LOXHD1: variants seen among roughly 807,000 people sequenced by gnomAD.
LOXHD1 encodes lipoxygenase homology PLAT domains 1.
LOXHD1 carries 205 observed loss-of-function variants against 248.2 expected under a neutral mutation model. The ratio of observed to expected loss-of-function variants is 0.83; its 90% CI spans 0.74 to 0.93. The LOEUF (loss-of-function observed/expected upper bound fraction) is 0.93, where lower values mean the gene tolerates loss of function less well. LOXHD1 is among the 40% of genes least tolerant of loss of function. The probability of loss-of-function intolerance (pLI) is 0.00; values close to 1 mark genes in which losing one functional copy is unlikely to be tolerated. For missense variants in LOXHD1, 2,930 were observed against 2,971.6 expected (o/e 0.99, Z 0.33); for synonymous variants, 1,113 against 1,162.8 (o/e 0.96, Z 0.87).
chr18:46,651,285 C>T (rs2039107774), intron 1 of LOXHD1, among the ~76,000 whole-genome samples: 1 of 152,154 alleles, frequency 6.6e-6, no homozygotes, highest in Admixed American at 6.5e-5. Context: ...GGGAGAAAAG[C>T]AGCCATATAT....
chr18:46,546,769 C>T (rs917309703), intron 22 of LOXHD1, 126 bp downstream of exon 22: 1 of 1,107,190 alleles, frequency 9.0e-7, no homozygotes, highest in Non-Finnish European at 1.3e-6. Context: ...GAGGGCAATA[C>T]AATAGACTGT....
intron 14 of LOXHD1, among the ~76,000 whole-genome samples, chr18:46,574,981 G>A (rs1166837236): frequency 6.6e-6 from 1 of 152,172 alleles, no homozygotes; most frequent in Non-Finnish European, 1.5e-5. Context: ...GGCCCTCACT[G>A]TTTTCTTTAT....
Position 46,562,962 on chromosome 18 carries a change from C to T in LOXHD1, c.2598+103G>A, listed in dbSNP as rs966547630. The stretch of plus-strand genomic sequence containing the variant: ...TCCACCCAACTGGAGGGAGGCAGCC[C>T]ATTCTCGGGTGAGTATTGACTGAGG... On this transcript the variant is annotated intron_variant, in intron 18 of 40. Transcript: ENST00000642948. 6 of 1,332,426 alleles carry T rather than the reference C, an allele frequency of 4.5e-6. No homozygotes were observed. In the Admixed American group the frequency reaches 1.2e-4, roughly 26 times the overall value. The allele number at this position is 1,332,426 out of a possible 1,614,324, so 82.5% of individuals were successfully genotyped here.
At chr18:46,626,873 G>A (rs961744830) in intron 4 of LOXHD1, among the ~76,000 whole-genome samples, 4 of 152,174 alleles carry the variant, frequency 2.6e-5, no homozygotes, top group African/African-American at 9.7e-5. Context: ...TTGCAGCGTT[G>A]TGAAAATTAA....
At chr18:46,584,169 G>A (rs927179032) in intron 12 of LOXHD1, among the ~76,000 whole-genome samples, 5 of 152,088 alleles carry the variant, frequency 3.3e-5, no homozygotes, top group Admixed American at 3.3e-4. Context: ...ATAAGTCGAT[G>A]TCATAGAGGC....
intron 21 of LOXHD1, among the ~76,000 whole-genome samples, chr18:46,547,680 G>C (rs2036909788): frequency 6.6e-6 from 1 of 151,996 alleles, no homozygotes; most frequent in Admixed American, 6.5e-5. Context: ...GGTAATTAAG[G>C]ACTCTCCCCT....
At chr18:46,591,846 A>T (rs1041379286) in intron 12 of LOXHD1, 87 bp downstream of exon 12, 58 of 1,487,998 alleles carry the variant, frequency 3.9e-5, no homozygotes, top group Non-Finnish European at 5.0e-5. Context: ...CAAAGCAGAC[A>T]AGACTCTCAG....
At position 46,559,541 on chromosome 18, in the gene LOXHD1, G is replaced by A. The variant is rs778087402; in HGVS notation, c.3123C>T (p.Asn1041=). The change falls in exon 20 of 41, where the codon AAC becomes AAT. Residue 1041 remains asparagine, a synonymous_variant. Coordinates refer to ENST00000642948, the MANE Select transcript of LOXHD1 (RefSeq NM_001384474.1). ...GNVPKAGTDA[N]VYLTIYGEEY... ...CCTCGCCGTAGATGGTTAGGTAGAC[G>A]TTAGCATCAGTGCCGGCCTTGGGCA... 26 of 1,551,852 alleles carry A rather than the reference G, an allele frequency of 1.7e-5. No individual in the cohort carries two copies. In the East Asian group the frequency reaches 2.7e-4, roughly 16 times the overall value.
At chr18:46,524,360 A>T (rs2035721082) in intron 31 of LOXHD1, 106 bp downstream of exon 31, 2 of 1,414,494 alleles carry the variant, frequency 1.4e-6, no homozygotes, top group African/African-American at 1.4e-5. Flanking sequence ...TAAGTGTTAG[A>T]TATGTCATCG....
chr18:46,554,942 A>G (rs535103199), intron 21 of LOXHD1, among the ~76,000 whole-genome samples: 1 of 152,298 alleles, frequency 6.6e-6, no homozygotes, highest in Admixed American at 6.5e-5. Flanking sequence ...AAATTCCAAG[A>G]GGATTTTTTT....
rs535366953 is a variant in LOXHD1, at chr18:46,505,786, G to C, written c.5878+52C>G. The C allele has an allele frequency of 3.2e-6, 5 of 1,538,822 alleles. No homozygotes were observed. In the South Asian group the frequency reaches 4.8e-5, roughly 15 times the overall value. Reference sequence around the variant, plus strand: ...TGCCAGGGAGGGAATAATGGCTCAGGAAGGGAGCTGAGGGCTGCCCTCCCA... The same window carrying C: ...TGCCAGGGAGGGAATAATGGCTCAGCAAGGGAGCTGAGGGCTGCCCTCCCA... On this transcript the variant is annotated intron_variant, in intron 37 of 40. Transcript: ENST00000642948.
chr18:46,571,027 G>A (rs1163893440), intron 15 of LOXHD1, among the ~76,000 whole-genome samples: 2 of 152,182 alleles, frequency 1.3e-5, no homozygotes, highest in Non-Finnish European at 2.9e-5. Context: ...GTTTGCTGGG[G>A]TTGTGGAGGG....
intron 21 of LOXHD1, chr18:46,555,114 G>C (rs187698339): frequency 2.1e-6 from 1 of 470,872 alleles, no homozygotes; most frequent in Admixed American, 2.3e-5. Flanking sequence ...CAGTGGCAGA[G>C]AATTACTAAC....
intron 37 of LOXHD1, among the ~76,000 whole-genome samples, chr18:46,494,001 C>T (rs2033667697): frequency 6.6e-6 from 1 of 152,182 alleles, no homozygotes; most frequent in South Asian, 2.1e-4. Context: ...CATTATGGCA[C>T]CCAGCTTTCC....
intron 29 of LOXHD1, among the ~76,000 whole-genome samples, chr18:46,528,020 G>A: frequency 6.6e-6 from 1 of 152,176 alleles, no homozygotes; most frequent in East Asian, 1.9e-4. Flanking sequence ...CCAGCCAGCT[G>A]CAGACCCACT....
At chr18:46,541,683 A>T in intron 25 of LOXHD1, 93 bp downstream of exon 25, 1 of 1,423,424 alleles carries the variant, frequency 7.0e-7, no homozygotes, top group Non-Finnish European at 9.7e-7. Context: ...GGCCTGGCCC[A>T]CAGTCAATCC....
At chr18:46,553,151 G>A (rs942183256) in intron 21 of LOXHD1, among the ~76,000 whole-genome samples, 7 of 152,144 alleles carry the variant, frequency 4.6e-5, no homozygotes, top group African/African-American at 1.4e-4. Context: ...ATAATCCCAC[G>A]CATTCCTGCA....
At chr18:46,655,535 C>T (rs1036265019) in intron 1 of LOXHD1, among the ~76,000 whole-genome samples, 1 of 152,190 alleles carries the variant, frequency 6.6e-6, no homozygotes, top group Non-Finnish European at 1.5e-5. Flanking sequence ...ACCTCCCAGC[C>T]CCTCCCCTCA....
At chr18:46,655,027 G>GA (rs764141704) in intron 1 of LOXHD1, among the ~76,000 whole-genome samples, 4 of 151,756 alleles carry the variant, frequency 2.6e-5, no homozygotes, top group African/African-American at 4.8e-5. Context: ...TTCCTCATCT[G>GA]AAAAAAAAGG....
Sources: allele counts gnomAD v4.1 joint callset (sites outside exome capture counted in the v4.1 genomes callset), GRCh38; gene constraint gnomAD v4.1.1; transcripts MANE v1.5; gene names NCBI Gene and HGNC (gene_info 2026-07-23, HGNC 2026-07-21).